The following GCDH variants were observed in gnomAD, a reference collection of about 807,000 sequenced individuals.
GCDH encodes glutaryl-CoA dehydrogenase, mitochondrial.
A neutral mutation model predicts 52.8 loss-of-function variants in GCDH; 31 were observed. The ratio of observed to expected loss-of-function variants is 0.59; its 90% CI spans 0.44 to 0.79. The LOEUF is 0.79. Ranked by LOEUF, GCDH falls within the 30% of genes least tolerant of loss-of-function variation. The pLI is 0.00. For synonymous variants in GCDH, 242 were observed against 250.0 expected (o/e 0.97, Z 0.30); for missense variants, 509 against 595.0 (o/e 0.86, Z 1.50).
In GCDH at chr19:12,893,590, G is replaced by T. The variant is rs1003611285; in HGVS notation, c.442G>T (p.Val148Phe). 2 of 1,613,862 alleles carry T rather than the reference G, an allele frequency of 1.2e-6. No individual in the cohort carries two copies. Among genetic ancestry groups the T allele is most frequent in the Admixed American group, 1.7e-5 (1 of 59,982 alleles). Residue 148 changes from valine to phenylalanine, a missense_variant, in exon 6 of 12, where the codon GTC becomes TTC. By Grantham distance (50) the Val-to-Phe change is conservative. Coordinates refer to ENST00000222214, the MANE Select transcript of GCDH (RefSeq NM_000159.4). Reference sequence around the variant, plus strand: ...GGCGATGAGTGTCCAGTCCTCCCTCGTCATGCACCCTATCTATGCCTATGG... The same window carrying T: ...GGCGATGAGTGTCCAGTCCTCCCTCTTCATGCACCCTATCTATGCCTATGG... ...RSAMSVQSSL[V>F]MHPIYAYGSE...
chr19:12,891,275 C>T lies in GCDH; in HGVS notation c.-30C>T, dbSNP rs1435437205. On this transcript the variant is annotated 5_prime_UTR_variant, in exon 2 of 12. Coordinates refer to ENST00000222214, the MANE Select transcript of GCDH (RefSeq NM_000159.4). ...CTGACACCCCCGCTCCTGTAGGTCG[C>T]CGTCGTTGCTCCGCTCGCTCTGAGA... is the stretch of plus-strand genomic sequence containing the variant. 5.7e-6 allele frequency: 9 copies of T among 1,583,952 alleles called. No homozygotes were observed. Among genetic ancestry groups the T allele is most frequent in the Non-Finnish European group, 7.7e-6 (9 of 1,166,330 alleles).
intron 11 of GCDH, chr19:12,898,233 C>T (rs565713768): frequency 1.7e-4 from 56 of 323,356 alleles, no homozygotes; most frequent in East Asian, 1.7e-3. Context: ...CAGGAATCAA[C>T]GCTCCATTTT....
intron 5 of GCDH, 112 bp downstream of exon 5, chr19:12,892,290 C>G (rs543170169): frequency 1.0e-6 from 1 of 988,216 alleles, no homozygotes; most frequent in Non-Finnish European, 1.6e-6. Context: ...TTTTCCTTTT[C>G]TTTCCTTTCT....
intron 5 of GCDH, chr19:12,892,435 G>T (rs977055207): frequency 7.0e-6 from 4 of 570,324 alleles, no homozygotes; most frequent in Admixed American, 6.1e-5. Flanking sequence ...GGGATTACAG[G>T]TATGTGCCAC....
intron 11 of GCDH, chr19:12,898,526 T>A (rs988522051): frequency 1.9e-5 from 3 of 154,304 alleles, no homozygotes; most frequent in African/African-American, 7.3e-5. Flanking sequence ...ATCTGGCATC[T>A]GGGGGGTGGG....
rs1056090401 is a variant in GCDH, at chr19:12,891,221, C to T, written c.-35+19C>T. 1.0e-4 allele frequency: 116 copies of T among 1,120,624 alleles called. No individual in the cohort carries two copies. Among genetic ancestry groups the T allele is most frequent in the Admixed American group, 5.9e-4 (31 of 52,324 alleles). The allele number at this position is 1,120,624 out of a possible 1,614,324, so 69.4% of individuals were successfully genotyped here. A position where few individuals can be genotyped will look rare whatever the true frequency, so the allele number is the denominator to read the frequency against. ...CTACCAGGTAAGGAAGGTGCGGTAG[C>T]CCCAGCCGTGGGTGAGAGGAGCTCC... On this transcript the variant is annotated intron_variant, in intron 1 of 11. Coordinates refer to ENST00000222214, the MANE Select transcript of GCDH (RefSeq NM_000159.4).
intron 5 of GCDH, 112 bp downstream of exon 5, chr19:12,892,290 C>A (rs543170169): frequency 2.0e-6 from 2 of 988,214 alleles, no homozygotes; most frequent in East Asian, 5.0e-5. Context: ...TTTTCCTTTT[C>A]TTTCCTTTCT....
At position 12,896,184 on chromosome 19, in the gene GCDH, C is replaced by T; in HGVS notation, c.636-21C>T. 1 of 1,614,030 alleles carries T rather than the reference C, an allele frequency of 6.2e-7. No individual in the cohort carries two copies. ...GCAAAGGGGCACTGGTCAGACCCCT[C>T]ACCGACTGTTCCATCCCCAGGATCA... On this transcript the variant is annotated intron_variant, in intron 7 of 11. Coordinates refer to ENST00000222214, the MANE Select transcript of GCDH (RefSeq NM_000159.4). This position sits in a 1 kb window ranked among gnomAD's most constrained non-coding sequence, Gnocchi z 5.5.
rs903255076 is a variant in GCDH at position 12,895,259 on chromosome 19, A to AT, written c.506-723dup. 6.7e-5 allele frequency among the ~76,000 whole-genome samples: 10 copies of AT among 149,454 alleles called. No individual in the cohort carries two copies. The East Asian group carries it at 9.8e-4, about 15-fold the overall frequency. On this transcript the variant is annotated intron_variant, in intron 6 of 11. Coordinates refer to ENST00000222214, the MANE Select transcript of GCDH (RefSeq NM_000159.4). ...GAGGTCTGACTCAGGGGCGAGGGTA[A>AT]TTTTTTTTTTCTTTTTTTGAGACAA...
Sources: gnomAD v4.1 joint callset for allele counts (sites outside exome capture counted in the v4.1 genomes callset) on GRCh38, gnomAD v4.1.1 for gene constraint, Gnocchi (gnomAD v3.1) non-coding constraint, MANE v1.5 for transcripts, NCBI Gene and HGNC (gene_info 2026-07-23, HGNC 2026-07-21) for gene names.